SLC25A51: variants seen among roughly 807,000 people sequenced by gnomAD.
The protein encoded by SLC25A51 is mitochondrial nicotinamide adenine dinucleotide transporter SLC25A51.
A neutral mutation model predicts 19.1 loss-of-function variants in SLC25A51; 11 were observed. The observed-to-expected ratio is 0.58, with a 90% CI of 0.36 to 0.96. The LOEUF (loss-of-function observed/expected upper bound fraction) is 0.96, where lower values mean the gene tolerates loss of function less well. Ranked by LOEUF, SLC25A51 falls within the 40% of genes least tolerant of loss-of-function variation. The probability of loss-of-function intolerance (pLI) is 0.01; values close to 1 mark genes in which losing one functional copy is unlikely to be tolerated. For synonymous variants in SLC25A51, 105 were observed against 133.6 expected (o/e 0.79, Z 1.47); for missense variants, 201 against 365.4 (o/e 0.55, Z 3.67).
intron 2 of SLC25A51, among the ~76,000 whole-genome samples, chr9:37,896,836 G>C (rs1831725765): frequency 6.6e-6 from 1 of 152,128 alleles, no homozygotes; most frequent in Non-Finnish European, 1.5e-5. Context: ...TATTAACTTT[G>C]AATTTTTAGT....
chr9:37,903,540 G>A (rs1003360802), intron 1 of SLC25A51: 20 of 152,430 alleles, frequency 1.3e-4, no homozygotes, highest in African/African-American at 4.8e-4. Flanking sequence ...CCGTTCTCCA[G>A]GCGTCCATTT....
At chr9:37,883,823 C>T (rs765736952), downstream of SLC25A51, among the ~76,000 whole-genome samples, 38 of 152,264 alleles carry the variant, frequency 2.5e-4, no homozygotes, top group Non-Finnish European at 5.3e-4. Context: ...CTTACATCTG[C>T]ACCTTGAAAG....
rs114357591 is a variant in SLC25A51, at chr9:37,900,805, T to A, written c.-164-855A>T. On this transcript the variant is annotated intron_variant, in intron 1 of 2. Transcript: ENST00000242275. ...TATCAGTTTATCTAATTTATAACCT[T>A]ACCACTCCTAGCAAAGCAGCAGCTT... 4.3e-3 allele frequency among the ~76,000 whole-genome samples: 657 copies of A among 152,326 alleles called. 5 individuals carry two copies. Among genetic ancestry groups the A allele is most frequent in the African/African-American group, 0.015 (626 of 41,568 alleles).
At chr9:37,887,284 T>A (rs1472888813), downstream of SLC25A51, among the ~76,000 whole-genome samples, 1 of 149,230 alleles carries the variant, frequency 6.7e-6, no homozygotes, top group Non-Finnish European at 1.5e-5. Flanking sequence ...GCCACTGCAC[T>A]CCAGCCTGGG....
At chr9:37,878,614 GT>G (rs1831296340), downstream of SLC25A51, 1 of 157,182 alleles carries the variant, frequency 6.4e-6, no homozygotes. Flanking sequence ...CACATAGGCT[GT>G]TTTTGAAATC....
At chr9:37,878,765 A>C (rs1225559259), downstream of SLC25A51, 1 of 158,082 alleles carries the variant, frequency 6.3e-6, no homozygotes, top group Non-Finnish European at 1.4e-5. Flanking sequence ...GGGGGAGCAA[A>C]GCCAATAGAA....
At chr9:37,885,357 A>AC (rs1173799604), downstream of SLC25A51, among the ~76,000 whole-genome samples, 5 of 151,582 alleles carry the variant, frequency 3.3e-5, no homozygotes, top group East Asian at 1.9e-4. Flanking sequence ...AAAAAAAAAA[A>AC]AAAAAAAAAA....
At position 37,887,937 on chromosome 9, in the gene SLC25A51, G is replaced by T; in HGVS notation, c.614C>A (p.Thr205Lys). 6.2e-7 allele frequency: 1 copy of T among 1,612,000 alleles called. No individual in the cohort carries two copies. Among genetic ancestry groups the T allele is most frequent in the South Asian group, 1.1e-5 (1 of 90,988 alleles). The change falls in exon 3 of 3, where the codon ACG becomes AAG. Residue 205 changes from threonine to lysine, a missense_variant. Physicochemically the swap from Thr to Lys is moderately conservative, Grantham distance 78. Coordinates refer to ENST00000242275, the MANE Select transcript of SLC25A51 (RefSeq NM_033412.4). ...ATTGACCAGATGAGCACTGTGAGTC[G>T]TTGCGGTAGGCAGATGCTCCTTAAT... ...GPIKEHLPTA[T>K]THSAHLVNDF...
chr9:37,883,269 A>T (rs1831383958), downstream of SLC25A51, among the ~76,000 whole-genome samples: 1 of 152,236 alleles, frequency 6.6e-6, no homozygotes, highest in Non-Finnish European at 1.5e-5. Context: ...GTTCTGCTAA[A>T]TTTTTTGTCA....
exon 4 of SLC25A51, chr9:37,879,463 T>G (rs1335868985): frequency 1.6e-4 from 28 of 173,070 alleles, no homozygotes; most frequent in Non-Finnish European, 5.4e-5. Flanking sequence ...CACATGGATT[T>G]TTTGGAAGAA....
downstream of SLC25A51, among the ~76,000 whole-genome samples, chr9:37,887,316 CAA>C (rs367826068): frequency 2.5e-4 from 31 of 122,994 alleles, no homozygotes; most frequent in Admixed American, 3.3e-4. Flanking sequence ...GACTCTGCCT[CAA>C]AAAAAAAAAA....
intron 2 of SLC25A51, among the ~76,000 whole-genome samples, chr9:37,891,865 ATT>A (rs1554693907): frequency 0.039 from 5,151 of 132,692 alleles, 304 homozygotes; most frequent in African/African-American, 0.11. Flanking sequence ...AAAAAAAAAA[ATT>A]TTATATATAT....
chr9:37,902,892 G>T (rs1240344460), intron 1 of SLC25A51, among the ~76,000 whole-genome samples: 1 of 152,216 alleles, frequency 6.6e-6, no homozygotes, highest in African/African-American at 2.4e-5. Context: ...TGGGGAGAGG[G>T]TGACTCCAAT....
intron 1 of SLC25A51, among the ~76,000 whole-genome samples, chr9:37,901,721 C>T (rs1333775895): frequency 1.3e-5 from 2 of 152,158 alleles, no homozygotes; most frequent in African/African-American, 2.4e-5. Context: ...TCTCCTCTCC[C>T]TTTCTTAATG....
downstream of SLC25A51, among the ~76,000 whole-genome samples, chr9:37,883,134 C>T (rs1231316823): frequency 1.3e-5 from 2 of 152,214 alleles, no homozygotes; most frequent in African/African-American, 4.8e-5. Flanking sequence ...CGTGAGCCAC[C>T]GCACCCGGCC....
chr9:37,888,673 A>G, intron 2 of SLC25A51, 81 bp from the exon 3 acceptor site: 1 of 1,080,796 alleles, frequency 9.3e-7, no homozygotes, highest in Non-Finnish European at 1.3e-6. Flanking sequence ...CCATCCTCTA[A>G]TATCTGGACA....
downstream of SLC25A51, among the ~76,000 whole-genome samples, chr9:37,885,286 G>T (rs958807870): frequency 5.0e-5 from 7 of 140,352 alleles, no homozygotes; most frequent in African/African-American, 1.9e-4. Flanking sequence ...CCTGTCAAAG[G>T]CCATCAGATG....
At chr9:37,890,190 T>C (rs2118328188) in intron 2 of SLC25A51, among the ~76,000 whole-genome samples, 1 of 151,856 alleles carries the variant, frequency 6.6e-6, no homozygotes, top group African/African-American at 2.4e-5. Context: ...TTGAGACCAG[T>C]GTGGGCAACA....
Position 37,888,180 on chromosome 9 carries a change from G to A in SLC25A51, c.371C>T (p.Ala124Val), listed in dbSNP as rs776400711. The A allele has an allele frequency of 5.0e-6, 8 of 1,614,008 alleles. No homozygotes were observed. Among genetic ancestry groups the A allele is most frequent in the East Asian group, 2.2e-5 (1 of 44,882 alleles). Reference protein sequence around the residue: ...SAPEFATSGVAAVLAGTTEAI... With the variant: ...SAPEFATSGVVAVLAGTTEAI... ...TTCTGTTGTCCCTGCAAGCACTGCCGCCACGCCACTGGTTGCAAACTCTGG... is the reference window on the plus strand; with the variant it reads ...TTCTGTTGTCCCTGCAAGCACTGCCACCACGCCACTGGTTGCAAACTCTGG... The change falls in exon 3 of 3, where the codon GCG becomes GTG. Residue 124 changes from alanine to valine, a missense_variant. Coordinates refer to ENST00000242275, the MANE Select transcript of SLC25A51 (RefSeq NM_033412.4).
Sources: allele counts gnomAD v4.1 joint callset (sites outside exome capture counted in the v4.1 genomes callset), GRCh38; gene constraint gnomAD v4.1.1; transcripts MANE v1.5; gene names NCBI Gene and HGNC (gene_info 2026-07-23, HGNC 2026-07-21).